Variants in CNTNAP2 observed in about 807,000 individuals in gnomAD.
The protein encoded by CNTNAP2 is contactin-associated protein-like 2.
CNTNAP2 carries 98 observed loss-of-function variants against 155.2 expected under a neutral mutation model. The ratio of observed to expected loss-of-function variants is 0.63; its 90% CI spans 0.54 to 0.75. The LOEUF (loss-of-function observed/expected upper bound fraction) is 0.75, where lower values mean the gene tolerates loss of function less well. CNTNAP2 is among the 30% of genes least tolerant of loss of function. The pLI, the probability that CNTNAP2 is intolerant of heterozygous loss-of-function variation, is 0.00. For missense variants in CNTNAP2, 1,727 were observed against 1,688.1 expected (o/e 1.02, Z -0.40); for synonymous variants, 651 against 631.2 (o/e 1.03, Z -0.47).
At chr7:147,383,090 G>GA (rs1483440092) in intron 9 of CNTNAP2, among the ~76,000 whole-genome samples, 2 of 150,358 alleles carry the variant, frequency 1.3e-5, no homozygotes, top group Admixed American at 6.6e-5. Context: ...TTTTATCCTA[G>GA]AAAAAAAGTG....
At chr7:147,720,837 A>C (rs1404734) in intron 13 of CNTNAP2, among the ~76,000 whole-genome samples, 110,098 of 151,830 alleles carry the variant, frequency 0.73, 40,260 homozygotes, top group East Asian at 0.92. Context: ...TCAGGCAGTT[A>C]TTTATAGCAG....
At chr7:147,349,965 C>T (rs1385203193) in intron 9 of CNTNAP2, among the ~76,000 whole-genome samples, 1 of 151,858 alleles carries the variant, frequency 6.6e-6, no homozygotes, top group Non-Finnish European at 1.5e-5. Context: ...GAAAGATTAT[C>T]CCACATGCCT....
At chr7:148,215,757 T>C (rs1554883) in intron 18 of CNTNAP2, among the ~76,000 whole-genome samples, 150,958 of 152,242 alleles carry the variant, frequency 0.99, 74,856 homozygotes, top group East Asian at 1. Context: ...AGGGACGAAA[T>C]TGAGGCTGAG....
intron 11 of CNTNAP2, among the ~76,000 whole-genome samples, chr7:147,503,955 T>C (rs1202149705): frequency 6.6e-6 from 1 of 152,238 alleles, no homozygotes; most frequent in African/African-American, 2.4e-5. Flanking sequence ...ATTTTCATTC[T>C]TCAAAATTGC....
At chr7:146,688,811 A>G (rs1272076199) in intron 1 of CNTNAP2, among the ~76,000 whole-genome samples, 1 of 152,158 alleles carries the variant, frequency 6.6e-6, no homozygotes, top group Non-Finnish European at 1.5e-5. Flanking sequence ...AACAAAGACT[A>G]TTAATGACTA....
intron 8 of CNTNAP2, among the ~76,000 whole-genome samples, chr7:147,204,095 AAG>A (rs1447002949): frequency 6.6e-6 from 1 of 151,942 alleles, no homozygotes; most frequent in Non-Finnish European, 1.5e-5. Context: ...AAATTTCAAA[AAG>A]ACTTTTTGAA....
At chr7:147,460,488 G>C (rs138095444) in intron 10 of CNTNAP2, among the ~76,000 whole-genome samples, 1 of 152,084 alleles carries the variant, frequency 6.6e-6, no homozygotes, top group East Asian at 1.9e-4. Flanking sequence ...AAACAGCTTT[G>C]GAAAGCTGTT....
At chr7:147,299,848 G>A (rs528813317) in intron 8 of CNTNAP2, among the ~76,000 whole-genome samples, 10 of 152,226 alleles carry the variant, frequency 6.6e-5, no homozygotes, top group Non-Finnish European at 1.3e-4. Flanking sequence ...TTGGGAGGCC[G>A]AGGTCATCTA....
In CNTNAP2 at chr7:148,041,232, G is replaced by A. The variant is rs1484599132; in HGVS notation, c.2383+63243G>A. Reference sequence around the variant, plus strand: ...AGTAACTCCAGGCAAATGAATATAGGCCTTTCATAAAAAGTGTCTTGGAGA... The same window carrying A: ...AGTAACTCCAGGCAAATGAATATAGACCTTTCATAAAAAGTGTCTTGGAGA... On this transcript the variant is annotated intron_variant, in intron 15 of 23. Coordinates refer to ENST00000361727, the MANE Select transcript of CNTNAP2 (RefSeq NM_014141.6). Among the ~76,000 whole-genome samples, 8 of 152,296 alleles carry A rather than the reference G, an allele frequency of 5.3e-5. No individual in the cohort carries two copies. The South Asian group carries it at 6.2e-4, about 12-fold the overall frequency.
At chr7:146,641,697 A>G (rs569431628) in intron 1 of CNTNAP2, among the ~76,000 whole-genome samples, 1 of 152,302 alleles carries the variant, frequency 6.6e-6, no homozygotes, top group Non-Finnish European at 1.5e-5. Flanking sequence ...TCTCTACTTA[A>G]GAGTTTCATG....
intron 3 of CNTNAP2, among the ~76,000 whole-genome samples, chr7:147,007,319 A>G (rs1040494683): frequency 6.6e-5 from 10 of 152,216 alleles, no homozygotes; most frequent in Middle Eastern, 3.4e-3. Flanking sequence ...ACCACAGAGC[A>G]TAAATTTTCT....
intron 8 of CNTNAP2, among the ~76,000 whole-genome samples, chr7:147,174,864 G>A (rs116446635): frequency 0.017 from 2,625 of 152,102 alleles, 62 homozygotes; most frequent in African/African-American, 0.059. Context: ...CTGGGAACAT[G>A]GTAAAATATA....
chr7:146,413,158 A>G (rs1171236752), intron 1 of CNTNAP2, among the ~76,000 whole-genome samples: 5 of 152,228 alleles, frequency 3.3e-5, no homozygotes, highest in African/African-American at 1.2e-4. Context: ...TTTTAAATGA[A>G]AAAGCACTTG....
chr7:146,197,999 G>A (rs116037310), intron 1 of CNTNAP2, among the ~76,000 whole-genome samples: 2,238 of 152,030 alleles, frequency 0.015, 62 homozygotes, highest in African/African-American at 0.051. Context: ...GAGAAGAGGC[G>A]GAGCTCCAGG....
intron 15 of CNTNAP2, among the ~76,000 whole-genome samples, chr7:148,001,537 A>G (rs1801897439): frequency 6.6e-6 from 1 of 152,250 alleles, no homozygotes; most frequent in Non-Finnish European, 1.5e-5. Flanking sequence ...CACAAAAGCA[A>G]TCATTGGAGT....
At chr7:146,513,034 C>T (rs112657952) in intron 1 of CNTNAP2, among the ~76,000 whole-genome samples, 9,978 of 151,852 alleles carry the variant, frequency 0.066, 811 homozygotes, top group African/African-American at 0.19. Flanking sequence ...TTTATAATTA[C>T]ATAGTGATCT....
chr7:146,711,294 T>C (rs1801066830), intron 1 of CNTNAP2, among the ~76,000 whole-genome samples: 1 of 146,418 alleles, frequency 6.8e-6, no homozygotes, highest in Non-Finnish European at 1.5e-5. Context: ...AACATAAACA[T>C]ACATATATGT....
intron 10 of CNTNAP2, among the ~76,000 whole-genome samples, chr7:147,437,759 A>G (rs1030164731): frequency 3.3e-5 from 5 of 152,144 alleles, no homozygotes; most frequent in Non-Finnish European, 7.4e-5. Flanking sequence ...TAAGAATTGC[A>G]TTGAATCTGT....
At chr7:146,618,343 G>C (rs1799261951) in intron 1 of CNTNAP2, among the ~76,000 whole-genome samples, 1 of 152,184 alleles carries the variant, frequency 6.6e-6, no homozygotes, top group Non-Finnish European at 1.5e-5. Flanking sequence ...CACCAGTTAA[G>C]TTGAGACTCA....
Sources: allele counts gnomAD v4.1 joint callset (sites outside exome capture counted in the v4.1 genomes callset), GRCh38; gene constraint gnomAD v4.1.1; transcripts MANE v1.5; gene names NCBI Gene and HGNC (gene_info 2026-07-23, HGNC 2026-07-21).